Variants in KMT2C observed in about 807,000 individuals in gnomAD.
The protein encoded by KMT2C is histone-lysine N-methyltransferase 2C.
Under a neutral mutation model 507.9 loss-of-function variants are expected in KMT2C, and 88 were observed. The observed-to-expected ratio is 0.17, with a 90% CI of 0.15 to 0.21. KMT2C has a LOEUF of 0.21. Ranked by LOEUF, KMT2C falls within the 10% of genes least tolerant of loss-of-function variation. KMT2C has a pLI of 1.00. For synonymous variants in KMT2C, 2,049 were observed against 2,080.8 expected (o/e 0.98, Z 0.42); for missense variants, 4,954 against 5,957.8 (o/e 0.83, Z 5.55).
chr7:152,324,975 C>T, intron 3 of KMT2C, among the ~76,000 whole-genome samples: 1 of 151,924 alleles, frequency 6.6e-6, no homozygotes, highest in East Asian at 1.9e-4. Context: ...TTACTGCCTT[C>T]TACAGAAGCT....
intron 14 of KMT2C, among the ~76,000 whole-genome samples, chr7:152,241,740 A>G (rs2095390226): frequency 1.3e-5 from 2 of 152,258 alleles, no homozygotes; most frequent in African/African-American, 4.8e-5. Flanking sequence ...CATACATCTT[A>G]AATTCCTTTT....
At chr7:152,264,891 C>G (rs187726635) in intron 8 of KMT2C, 147 bp downstream of exon 8, 51 of 701,588 alleles carry the variant, frequency 7.3e-5, no homozygotes, top group Admixed American at 2.1e-4. Context: ...TTATAATATC[C>G]AGTAATTTTT....
At chr7:152,400,246 T>C (rs1327390637) in intron 1 of KMT2C, among the ~76,000 whole-genome samples, 1 of 151,980 alleles carries the variant, frequency 6.6e-6, no homozygotes, top group South Asian at 2.1e-4. Flanking sequence ...GAGGCAGAGG[T>C]TGCAATGTGC....
chr7:152,385,437 C>T (rs2097416356), intron 1 of KMT2C, among the ~76,000 whole-genome samples: 1 of 132,866 alleles, frequency 7.5e-6, no homozygotes, highest in South Asian at 2.3e-4. Flanking sequence ...ACGGTGAAAC[C>T]CCGTCTCTAC....
At chr7:152,365,614 G>A (rs777046380) in intron 1 of KMT2C, among the ~76,000 whole-genome samples, 8 of 152,166 alleles carry the variant, frequency 5.3e-5, no homozygotes, top group Admixed American at 1.3e-4. Context: ...TTGAATTCCT[G>A]GTCTCAAGCG....
intron 3 of KMT2C, among the ~76,000 whole-genome samples, chr7:152,327,583 T>C (rs2129209908): frequency 6.6e-6 from 1 of 152,338 alleles, no homozygotes; most frequent in South Asian, 2.1e-4. Context: ...TAGCAAAAAG[T>C]AAAGTTCATG....
chr7:152,330,130 A>G, intron 3 of KMT2C, among the ~76,000 whole-genome samples: 1 of 115,490 alleles, frequency 8.7e-6, no homozygotes, highest in Non-Finnish European at 1.7e-5. Flanking sequence ...GTGACAGAGC[A>G]AGACGCCATC....
intron 13 of KMT2C, 61 bp from the exon 14 acceptor site, chr7:152,248,681 T>C (rs1365419291): frequency 3.9e-6 from 4 of 1,023,402 alleles, no homozygotes; most frequent in Non-Finnish European, 4.3e-6. Context: ...TTTCTAACTA[T>C]AGATATATAA....
chr7:152,254,289 A>G (rs148161156), intron 9 of KMT2C, among the ~76,000 whole-genome samples: 170 of 152,270 alleles, frequency 1.1e-3, no homozygotes, highest in African/African-American at 4.0e-3. Flanking sequence ...AGAATGTATT[A>G]TCCTTTATCT....
intron 1 of KMT2C, among the ~76,000 whole-genome samples, chr7:152,413,697 C>CA (rs2097704342): frequency 6.6e-6 from 1 of 151,652 alleles, no homozygotes; most frequent in Non-Finnish European, 1.5e-5. Flanking sequence ...CCAGCCTAGC[C>CA]AACATAGCAA....
At chr7:152,252,185 G>C in intron 10 of KMT2C, 95 bp from the exon 11 acceptor site, 1 of 876,124 alleles carries the variant, frequency 1.1e-6, no homozygotes, top group Non-Finnish European at 1.7e-6. Flanking sequence ...TATGAAAACA[G>C]TTAATTAAGT....
chr7:152,304,014 G>A (rs1041255030), intron 6 of KMT2C, among the ~76,000 whole-genome samples: 1 of 151,698 alleles, frequency 6.6e-6, no homozygotes, highest in African/African-American at 2.4e-5. Flanking sequence ...AGAGAGAGAA[G>A]ACATACATAT....
chr7:152,188,990 T>C (rs754966781), intron 31 of KMT2C, among the ~76,000 whole-genome samples: 2 of 152,216 alleles, frequency 1.3e-5, no homozygotes, highest in Non-Finnish European at 2.9e-5. Context: ...CAGATGATTA[T>C]TCCTAAAAAT....
intron 1 of KMT2C, among the ~76,000 whole-genome samples, chr7:152,399,193 A>C (rs1209411282): frequency 1.3e-5 from 2 of 152,144 alleles, no homozygotes; most frequent in Non-Finnish European, 2.9e-5. Context: ...TTATATTTCT[A>C]CAACCTAACA....
intron 7 of KMT2C, among the ~76,000 whole-genome samples, chr7:152,271,673 CAAAAAAA>C (rs35698920): frequency 3.6e-5 from 2 of 54,994 alleles, no homozygotes; most frequent in African/African-American, 6.3e-5. Flanking sequence ...GACTCCATCT[CAAAAAAA>C]AAAAAAAAAA....
chr7:152,290,248 GTGTGTA>G (rs1283603572), intron 6 of KMT2C, among the ~76,000 whole-genome samples: 3 of 85,644 alleles, frequency 3.5e-5, no homozygotes, highest in Non-Finnish European at 6.1e-5. Flanking sequence ...GTGTGTGTGT[GTGTGTA>G]TGTGTATATA....
At chr7:152,381,388 A>G (rs2097372907) in intron 1 of KMT2C, among the ~76,000 whole-genome samples, 1 of 152,080 alleles carries the variant, frequency 6.6e-6, no homozygotes, top group Non-Finnish European at 1.5e-5. Flanking sequence ...GTGCTACTAT[A>G]TCTAGCGGGT....
chr7:152,292,108 A>G (rs1312603356), intron 6 of KMT2C, among the ~76,000 whole-genome samples: 6 of 152,180 alleles, frequency 3.9e-5, no homozygotes, highest in Non-Finnish European at 4.4e-5. Context: ...AAGTCTGGTA[A>G]TGCTGACATA....
chr7:152,220,496 A>G (rs778800461), intron 23 of KMT2C, 27 bp downstream of exon 23: 5 of 1,509,760 alleles, frequency 3.3e-6, no homozygotes, highest in Non-Finnish European at 4.6e-6. Flanking sequence ...TTGCACACAT[A>G]TTTCATGGAA....
Sources: gnomAD v4.1 joint callset for allele counts (sites outside exome capture counted in the v4.1 genomes callset) on GRCh38, gnomAD v4.1.1 for gene constraint, MANE v1.5 for transcripts, NCBI Gene and HGNC (gene_info 2026-07-23, HGNC 2026-07-21) for gene names.